Variants in SRP72 observed in about 807,000 individuals in gnomAD.
SRP72 encodes signal recognition particle subunit SRP72.
A neutral mutation model predicts 96.3 loss-of-function variants in SRP72; 49 were observed. The ratio of observed to expected loss-of-function variants is 0.51; its 90% CI spans 0.40 to 0.65. The LOEUF (loss-of-function observed/expected upper bound fraction) is 0.65. Ranked by LOEUF, SRP72 falls within the 30% of genes least tolerant of loss-of-function variation. The pLI is 0.00. For missense variants in SRP72, 736 were observed against 793.3 expected (o/e 0.93, Z 0.87); for synonymous variants, 267 against 275.2 (o/e 0.97, Z 0.30).
At chr4:56,478,555 GGTTT>G in intron 7 of SRP72, 33 bp from the exon 8 acceptor site, 1 of 1,612,456 alleles carries the variant, frequency 6.2e-7, no homozygotes, top group Non-Finnish European at 8.5e-7. Flanking sequence ...TCTTTTTAAA[GGTTT>G]GTTTGGTTTT....
intron 1 of SRP72, among the ~76,000 whole-genome samples, chr4:56,469,067 C>A (rs1407499786): frequency 6.6e-6 from 1 of 152,078 alleles, no homozygotes; most frequent in African/African-American, 2.4e-5. Context: ...GAAACGTTGC[C>A]AGCAAGATAA....
intron 3 of SRP72, among the ~76,000 whole-genome samples, chr4:56,473,752 C>T (rs944788466): frequency 3.3e-5 from 5 of 150,846 alleles, no homozygotes; most frequent in Non-Finnish European, 5.9e-5. Context: ...GCAACAAGAG[C>T]GAAACTCCGT....
At chr4:56,478,154 C>CTTTTTTTTTTTTT (rs796835545) in intron 6 of SRP72, among the ~76,000 whole-genome samples, 1 of 115,788 alleles carries the variant, frequency 8.6e-6, no homozygotes, top group Non-Finnish European at 1.9e-5. Context: ...TTTGCCTTTT[C>CTTTTTTTTTTTTT]TTTTTTTTTT....
chr4:56,480,805 T>C (rs2110119481), intron 8 of SRP72, among the ~76,000 whole-genome samples: 1 of 152,322 alleles, frequency 6.6e-6, no homozygotes, highest in South Asian at 2.1e-4. Flanking sequence ...CCGTATACTT[T>C]ATAACTATAT....
intron 12 of SRP72, chr4:56,489,126 T>TAAA: frequency 3.0e-6 from 1 of 330,192 alleles, no homozygotes; most frequent in Non-Finnish European, 5.6e-6. Flanking sequence ...ACTTCTGTAC[T>TAAA]TACCAAACCA....
chr4:56,472,918 A>G (rs17086807), intron 3 of SRP72, among the ~76,000 whole-genome samples: 1,817 of 152,266 alleles, frequency 0.012, 47 homozygotes, highest in African/African-American at 0.041. Context: ...GCACAACTTG[A>G]ATGAAATCAG....
Position 56,500,610 on chromosome 4 carries a change from T to C in SRP72, c.1753T>C (p.Tyr585His), listed in dbSNP as rs942145541. ...ATGGCTGCCAATGCGAGAACGTTCT[T>C]ACTACCGGGGAAGAAAGAAGGGTAA... Reference protein sequence around the residue: ...ERWLPMRERSYYRGRKKGKKK... With the variant: ...ERWLPMRERSHYRGRKKGKKK... The change falls in exon 18 of 19, where the codon TAC becomes CAC. Residue 585 changes from tyrosine (Y) to histidine (H), a missense_variant. Physicochemically the swap from Tyr to His is moderately conservative, Grantham distance 83. Around this residue, in one of 3 missense-constraint regions of SRP72, gnomAD observed 388 missense variants for 431.8 expected, o/e 0.90. Transcript: ENST00000642900. 43 of 1,613,876 alleles carry C rather than the reference T, an allele frequency of 2.7e-5. No homozygotes were observed. Among genetic ancestry groups the C allele is most frequent in the Non-Finnish European group, 3.4e-5 (40 of 1,179,950 alleles).
intron 8 of SRP72, 64 bp from the exon 9 acceptor site, chr4:56,483,075 A>G: frequency 2.0e-6 from 3 of 1,501,714 alleles, no homozygotes; most frequent in Non-Finnish European, 1.8e-6. Context: ...TATAAAGTTA[A>G]TAGAAAAAGG....
At chr4:56,475,403 A>AAAATAT (rs1553945339) in intron 5 of SRP72, among the ~76,000 whole-genome samples, 3,705 of 150,954 alleles carry the variant, frequency 0.025, 124 homozygotes, top group East Asian at 0.18. Flanking sequence ...ACAAAAAAAA[A>AAAATAT]ATATATATGT....
Position 56,474,280 on chromosome 4 carries a change from G to T in SRP72, c.499G>T (p.Glu167Ter). The T allele has an allele frequency of 6.2e-7, 1 of 1,613,906 alleles. No individual in the cohort carries two copies. Among genetic ancestry groups the T allele is most frequent in the Non-Finnish European group, 8.5e-7 (1 of 1,179,914 alleles). The stretch of plus-strand genomic sequence containing the variant: ...TAACTGGTATTTTGTCCCCTGACAG[G>T]AGAACCTGGGCCTCCAAGAAGGCAC... ...AQSNWEKVVPENLGLQEGTHE... is the reference protein window; with the variant it reads ...AQSNWEKVVP The change falls in exon 5 of 19, where the codon GAG becomes TAG. Residue 167 changes from glutamate (E) to a stop codon, truncating the protein, a stop_gained and splice_region_variant. Coordinates refer to ENST00000642900, the MANE Select transcript of SRP72 (RefSeq NM_006947.4). LOFTEE classifies it high-confidence loss of function.
In SRP72 at chr4:56,471,774, G is replaced by A. The variant is rs754084964; in HGVS notation, c.285G>A (p.Glu95=). Residue 95 remains glutamate, a synonymous_variant, in exon 3 of 19, where the codon GAG becomes GAA. Transcript: ENST00000642900. ...AYCEYRLNRI[E]NALKTIESAN... is the part of the protein sequence containing the mutation. ...GCGAGTACAGGCTGAACAGAATTGAGAATGCCTTGAAGACAATAGAAAGTG... is the reference window on the plus strand; with the variant it reads ...GCGAGTACAGGCTGAACAGAATTGAAAATGCCTTGAAGACAATAGAAAGTG... 1.9e-6 allele frequency: 3 copies of A among 1,614,060 alleles called. No individual in the cohort carries two copies. The highest frequency in any genetic ancestry group is 8.5e-7 in the Non-Finnish European group (1 of 1,180,000).
intron 3 of SRP72, among the ~76,000 whole-genome samples, chr4:56,473,247 C>A (rs1454598211): frequency 6.6e-6 from 1 of 151,940 alleles, no homozygotes; most frequent in Non-Finnish European, 1.5e-5. Flanking sequence ...ATCATGAGGT[C>A]AGGAGATCGA....
At chr4:56,480,722 T>C (rs993953139) in intron 8 of SRP72, among the ~76,000 whole-genome samples, 8 of 152,166 alleles carry the variant, frequency 5.3e-5, no homozygotes, top group African/African-American at 1.9e-4. Flanking sequence ...TAATGAAAAA[T>C]ACAAAGCATC....
Position 56,467,694 on chromosome 4 carries a change from G to A in SRP72, c.59G>A (p.Arg20Gln). The A allele has an allele frequency of 1.9e-6, 3 of 1,565,126 alleles. No homozygotes were observed. Among genetic ancestry groups the A allele is most frequent in the Non-Finnish European group, 2.6e-6 (3 of 1,158,278 alleles). The change falls in exon 1 of 19, where the codon CGG becomes CAG. Residue 20 changes from arginine to glutamine, a missense_variant. Transcript: ENST00000642900. ...CCTGCGCTGTGGAGTGAAGTGAACC[G>A]GTATGGCCAGAACGGCGACTTCACG... ...SVPALWSEVN[R>Q]YGQNGDFTRA... is the part of the protein sequence containing the mutation.
At chr4:56,471,911 C>T in intron 3 of SRP72, 68 bp downstream of exon 3, 15 of 1,578,632 alleles carry the variant, frequency 9.5e-6, no homozygotes, top group Non-Finnish European at 1.3e-5. Flanking sequence ...TAGCAAGGAG[C>T]AGGGTTGAGG....
At chr4:56,474,589 G>C in intron 5 of SRP72, 198 bp downstream of exon 5, 1 of 597,722 alleles carries the variant, frequency 1.7e-6, no homozygotes. Context: ...TGTTGCCCAG[G>C]CTGGAGTACA....
At chr4:56,472,937 C>A (rs1429336733) in intron 3 of SRP72, among the ~76,000 whole-genome samples, 1 of 152,052 alleles carries the variant, frequency 6.6e-6, no homozygotes, top group Admixed American at 6.6e-5. Flanking sequence ...AGTAGGAATT[C>A]TATTGTGTCT....
chr4:56,500,650 T>C lies in SRP72; in HGVS notation c.1793T>C (p.Ile598Thr), dbSNP rs755843717. 5 of 1,613,842 alleles carry C rather than the reference T, an allele frequency of 3.1e-6. No homozygotes were observed. The highest frequency in any genetic ancestry group is 1.3e-5 in the African/African-American group (1 of 75,000). ...AAGAAGGGTAAAAAGAAGGATCAGATTGGAAAAGGGACCCAGGGAGCAACT... is the reference window on the plus strand; with the variant it reads ...AAGAAGGGTAAAAAGAAGGATCAGACTGGAAAAGGGACCCAGGGAGCAACT... ...GRKKGKKKDQ[I>T]GKGTQGATAG... The change falls in exon 18 of 19, where the codon ATT becomes ACT. Residue 598 changes from isoleucine (I) to threonine (T), a missense_variant. Physicochemically the swap from Ile to Thr is moderately conservative, Grantham distance 89 (BLOSUM62 -1). This residue lies in a region of SRP72 where 388 missense variants were observed against 431.8 expected (regional missense o/e 0.90). Coordinates refer to ENST00000642900, the MANE Select transcript of SRP72 (RefSeq NM_006947.4).
chr4:56,496,664 G>C (rs1323433511), intron 17 of SRP72, among the ~76,000 whole-genome samples: 1 of 151,958 alleles, frequency 6.6e-6, no homozygotes, highest in Non-Finnish European at 1.5e-5. Context: ...TTATAGAGTG[G>C]CCTAAAGAGT....
Sources: gnomAD v4.1 joint callset for allele counts (sites outside exome capture counted in the v4.1 genomes callset) on GRCh38, gnomAD v4.1.1 for gene constraint, gnomAD v4.1.1 regional missense constraint, MANE v1.5 for transcripts, NCBI Gene and HGNC (gene_info 2026-07-23, HGNC 2026-07-21) for gene names.